B4GALNT3: variants seen among roughly 807,000 people sequenced by gnomAD.
The protein encoded by B4GALNT3 is beta-1,4-N-acetyl-galactosaminyltransferase 3, also known as beta-1,4-N-acetylgalactosaminyltransferase 3.
In B4GALNT3, 86 loss-of-function variants were observed where a neutral mutation model predicts 120.2. That is an observed-to-expected ratio of 0.72 (90% CI 0.60 to 0.86). The LOEUF (loss-of-function observed/expected upper bound fraction) is 0.86. Ranked by LOEUF, B4GALNT3 falls within the 40% of genes least tolerant of loss-of-function variation. B4GALNT3 has a pLI of 0.00. For synonymous variants in B4GALNT3, 518 were observed against 510.4 expected, an observed-to-expected ratio of 1.01 and a Z score of -0.20; for missense variants, 1,167 against 1,298.9, an observed-to-expected ratio of 0.90 and a Z score of 1.56.
intron 1 of B4GALNT3, among the ~76,000 whole-genome samples, chr12:528,195 G>A (rs530555774): frequency 3.3e-5 from 5 of 152,072 alleles, no homozygotes; most frequent in South Asian, 2.1e-4. Context: ...CTTCTTTTCC[G>A]GCTTATTCTA....
intron 1 of B4GALNT3, among the ~76,000 whole-genome samples, chr12:504,284 A>C (rs1946472723): frequency 1.3e-5 from 2 of 149,324 alleles, no homozygotes; most frequent in African/African-American, 5.0e-5. Flanking sequence ...GTCTATAAAA[A>C]AAAAACAAAA....
At chr12:560,820 C>T (rs1010395129) in intron 19 of B4GALNT3, among the ~76,000 whole-genome samples, 2 of 152,346 alleles carry the variant, frequency 1.3e-5, no homozygotes, top group East Asian at 1.9e-4. Flanking sequence ...GCCAGAAGTG[C>T]AGCCTCCCTG....
intron 1 of B4GALNT3, among the ~76,000 whole-genome samples, chr12:477,125 T>C (rs1180522709): frequency 6.6e-6 from 1 of 152,212 alleles, no homozygotes; most frequent in Non-Finnish European, 1.5e-5. Context: ...GGACTCCTGG[T>C]GCCTAGACTA....
At chr12:525,733 C>T (rs997207605) in intron 1 of B4GALNT3, among the ~76,000 whole-genome samples, 3 of 152,190 alleles carry the variant, frequency 2.0e-5, no homozygotes, top group Non-Finnish European at 4.4e-5. Context: ...TGACCAGCTA[C>T]GGGGCTCCTG....
chr12:545,362 T>C lies in B4GALNT3; in HGVS notation c.539-7T>C, dbSNP rs760251325. The stretch of plus-strand genomic sequence containing the variant: ...GCCCTCATCTGGAAACTCTCCCCGC[T>C]GCCCAGGGAAAATCCAGTTTGCCAT... On this transcript the variant is annotated splice_polypyrimidine_tract_variant and splice_region_variant and intron_variant, in intron 5 of 19. Coordinates refer to ENST00000266383, the MANE Select transcript of B4GALNT3 (RefSeq NM_173593.4). The C allele has an allele frequency of 6.2e-7, 1 of 1,607,792 alleles. No homozygotes were observed. The highest frequency in any genetic ancestry group is 1.3e-5 in the African/African-American group (1 of 74,868).
At chr12:505,998 T>G (rs1214141058) in intron 1 of B4GALNT3, among the ~76,000 whole-genome samples, 2 of 152,242 alleles carry the variant, frequency 1.3e-5, no homozygotes, top group Non-Finnish European at 2.9e-5. Flanking sequence ...ATACTCTTCT[T>G]ATAAATCAGA....
At chr12:502,702 C>G (rs570639321) in intron 1 of B4GALNT3, among the ~76,000 whole-genome samples, 1 of 152,266 alleles carries the variant, frequency 6.6e-6, no homozygotes, top group South Asian at 2.1e-4. Flanking sequence ...GCTATTATTT[C>G]AGGAGGAGTG....
At chr12:511,013 CTT>C (rs762032000) in intron 1 of B4GALNT3, among the ~76,000 whole-genome samples, 4 of 43,908 alleles carry the variant, frequency 9.1e-5, no homozygotes, top group South Asian at 8.5e-4. Flanking sequence ...TTTGCCTATT[CTT>C]TTTTTTTTTT....
intron 1 of B4GALNT3, among the ~76,000 whole-genome samples, chr12:523,332 A>G (rs1946730793): frequency 6.6e-6 from 1 of 152,196 alleles, no homozygotes; most frequent in Non-Finnish European, 1.5e-5. Flanking sequence ...CCTGATTTCT[A>G]TAGTGAGAAT....
At chr12:486,646 A>G (rs955688800) in intron 1 of B4GALNT3, among the ~76,000 whole-genome samples, 1 of 152,164 alleles carries the variant, frequency 6.6e-6, no homozygotes, top group Non-Finnish European at 1.5e-5. Context: ...GAGTGGGGAG[A>G]AGTCTGATGT....
rs545345059 is a variant in B4GALNT3, at chr12:550,560, C to T, written c.998-362C>T. Among the ~76,000 whole-genome samples the T allele has an allele frequency of 1.1e-4, 16 of 152,258 alleles. No homozygotes were observed. The East Asian group carries it at 2.3e-3, about 22-fold the overall frequency. On this transcript the variant is annotated intron_variant, in intron 10 of 19. Transcript: ENST00000266383. The surrounding 1 kb of genome is among the most constrained non-coding windows in gnomAD (Gnocchi z 4.1). ...CCCCTCTCAAAAAAATGACAACTGA[C>T]GCTAAGGGGATGTTCAGCCCATGGT... is the stretch of plus-strand genomic sequence containing the variant.
intron 1 of B4GALNT3, among the ~76,000 whole-genome samples, chr12:461,569 T>C (rs1946022918): frequency 6.6e-6 from 1 of 152,324 alleles, no homozygotes; most frequent in East Asian, 1.9e-4. Context: ...TTCAAAGTTC[T>C]GGCACGTGGC....
chr12:528,930 T>C (rs1285801926), intron 1 of B4GALNT3, among the ~76,000 whole-genome samples: 1 of 152,190 alleles, frequency 6.6e-6, no homozygotes, highest in Non-Finnish European at 1.5e-5. Flanking sequence ...CATCACCTTT[T>C]CTCATTCCAG....
chr12:525,086 T>TTCTA (rs1555156520), intron 1 of B4GALNT3, among the ~76,000 whole-genome samples: 2 of 130,616 alleles, frequency 1.5e-5, no homozygotes, highest in East Asian at 4.6e-4. Flanking sequence ...AATAACACAA[T>TTCTA]TTTATTTATT....
In B4GALNT3 at chr12:511,532, CACCTTCT is replaced by C. The variant is rs1298723738; in HGVS notation, c.170-23627_170-23621del. ...CCACCTTCTTCCACCTTCCACCTTC[CACCTTCT>C]ACCTTCCTTCCACCTTCCACCTTCC... On this transcript the variant is annotated intron_variant, in intron 1 of 19. Coordinates refer to ENST00000266383, the MANE Select transcript of B4GALNT3 (RefSeq NM_173593.4). 9.8e-5 allele frequency among the ~76,000 whole-genome samples: 13 copies of C among 132,182 alleles called. No individual in the cohort carries two copies. The East Asian group carries it at 1.7e-3, about 17-fold the overall frequency. 86.7% of individuals were successfully genotyped at this position (132,182 alleles called of 152,430 possible). A position where few individuals can be genotyped will look rare whatever the true frequency, so the allele number is the denominator to read the frequency against.
chr12:518,827 C>T (rs1946681448), intron 1 of B4GALNT3, among the ~76,000 whole-genome samples: 2 of 152,106 alleles, frequency 1.3e-5, no homozygotes, highest in Admixed American at 6.6e-5. Context: ...TTTCTATTAT[C>T]GTATTTTTTA....
At chr12:484,581 G>A (rs903389623) in intron 1 of B4GALNT3, among the ~76,000 whole-genome samples, 14 of 152,148 alleles carry the variant, frequency 9.2e-5, no homozygotes, top group Admixed American at 3.9e-4. Context: ...ACTCTGAAGG[G>A]CAGTCAAGGT....
At chr12:515,526 A>G (rs1017487914) in intron 1 of B4GALNT3, among the ~76,000 whole-genome samples, 6 of 152,166 alleles carry the variant, frequency 3.9e-5, no homozygotes, top group Admixed American at 3.9e-4. Context: ...ATTAAAAGGG[A>G]TAAATTTGTA....
chr12:541,123 G>A (rs976341851), intron 3 of B4GALNT3, among the ~76,000 whole-genome samples: 1 of 152,240 alleles, frequency 6.6e-6, no homozygotes, highest in African/African-American at 2.4e-5. Flanking sequence ...TGAGGACTCC[G>A]TGTGGGGGAG....
Sources: allele counts gnomAD v4.1 joint callset (sites outside exome capture counted in the v4.1 genomes callset), GRCh38; gene constraint gnomAD v4.1.1; non-coding constraint Gnocchi (gnomAD v3.1); transcripts MANE v1.5; gene names NCBI Gene and HGNC (gene_info 2026-07-23, HGNC 2026-07-21).